NKAIN4: variants seen among roughly 807,000 people sequenced by gnomAD.
NKAIN4 encodes sodium/potassium-transporting ATPase subunit beta-1-interacting protein 4.
In NKAIN4, 28 loss-of-function variants were observed where a neutral mutation model predicts 28.8. The observed-to-expected ratio is 0.97, with a 90% CI of 0.72 to 1.33. The LOEUF is 1.33. Among genes scored for constraint, NKAIN4 ranks in the 40% most tolerant of loss-of-function variants. NKAIN4 has a pLI of 0.00. For missense variants in NKAIN4, 289 were observed against 277.2 expected, an observed-to-expected ratio of 1.04 and a Z score of -0.30; for synonymous variants, 122 against 115.6, an observed-to-expected ratio of 1.06 and a Z score of -0.36.
chr20:63,254,474 C>T, upstream of NKAIN4: 1 of 1,302,712 alleles, frequency 7.7e-7, no homozygotes, highest in East Asian at 3.2e-5. Flanking sequence ...ACAGGAGGCC[C>T]CCGGGTGCCC....
intron 6 of NKAIN4, chr20:63,241,760 TG>T: frequency 3.0e-6 from 2 of 666,932 alleles, no homozygotes; most frequent in Non-Finnish European, 5.6e-6. Context: ...GGGCTGGGAG[TG>T]GAGAGGGGGC....
rs374228628 is a variant in NKAIN4 at position 63,249,915 on chromosome 20, G to A, written c.192+20C>T. 2 of 1,601,604 alleles carry A rather than the reference G, an allele frequency of 1.2e-6. No individual in the cohort carries two copies. Among genetic ancestry groups the A allele is most frequent in the Admixed American group, 1.7e-5 (1 of 57,536 alleles). On this transcript the variant is annotated intron_variant, in intron 2 of 6. Coordinates refer to ENST00000370316, the MANE Select transcript of NKAIN4 (RefSeq NM_152864.4). ...ACCTCAACCCACCTGCCCATAAAGA[G>A]GGCCGGGCCCAGGACTCACCACCAT...
At chr20:63,253,692 C>T (rs2067000939) in intron 1 of NKAIN4, among the ~76,000 whole-genome samples, 1 of 152,148 alleles carries the variant, frequency 6.6e-6, no homozygotes, top group African/African-American at 2.4e-5. Context: ...CCAGGCGTCC[C>T]AGGGAGCTTC....
intron 1 of NKAIN4, chr20:63,253,609 C>T (rs895903670): frequency 2.6e-5 from 19 of 742,880 alleles, no homozygotes; most frequent in East Asian, 1.3e-4. Flanking sequence ...GCAGCTTCCC[C>T]AGCCTGGACA....
Position 63,249,933 on chromosome 20 carries a change from A to G in NKAIN4, c.192+2T>C. The G allele has an allele frequency of 6.2e-7, 1 of 1,612,118 alleles. No individual in the cohort carries two copies. Among genetic ancestry groups the G allele is most frequent in the Non-Finnish European group, 8.5e-7 (1 of 1,179,306 alleles). ...ATAAAGAGGGCCGGGCCCAGGACTC[A>G]CCACCATGACATAGCGCAGCCGGTA... On this transcript the variant is annotated splice_donor_variant, in intron 2 of 6. Coordinates refer to ENST00000370316, the MANE Select transcript of NKAIN4 (RefSeq NM_152864.4). LOFTEE classifies it high-confidence loss of function.
chr20:63,247,001 TC>T (rs757483909), intron 4 of NKAIN4: 92 of 999,062 alleles, frequency 9.2e-5, no homozygotes, highest in Non-Finnish European at 1.1e-4. Context: ...AGAGTCCCGT[TC>T]CCGCACAAGC....
At chr20:63,242,138 C>T (rs555195260) in intron 6 of NKAIN4, among the ~76,000 whole-genome samples, 1 of 152,196 alleles carries the variant, frequency 6.6e-6, no homozygotes. Flanking sequence ...TTTCAAGAAA[C>T]AAGTCTGGTT....
chr20:63,247,968 C>T (rs923134701), intron 3 of NKAIN4, among the ~76,000 whole-genome samples, 193 bp from the exon 4 acceptor site: 6 of 151,246 alleles, frequency 4.0e-5, no homozygotes, highest in Admixed American at 3.3e-4. Context: ...CCCTCCCAGC[C>T]GCTCCTGCGC....
chr20:63,248,436 G>A (rs1241729865), intron 3 of NKAIN4: 6 of 197,540 alleles, frequency 3.0e-5, no homozygotes, highest in South Asian at 2.9e-4. Flanking sequence ...CAGGAGGCAC[G>A]AGGCTTTACC....
chr20:63,254,588 C>T, upstream of NKAIN4: 5 of 590,974 alleles, frequency 8.5e-6, no homozygotes, highest in Non-Finnish European at 1.2e-5. Context: ...ACCCCCGGCC[C>T]AGCCCCAGCC....
intron 4 of NKAIN4, among the ~76,000 whole-genome samples, chr20:63,244,786 G>A (rs1270809807): frequency 6.6e-6 from 1 of 152,218 alleles, no homozygotes; most frequent in Non-Finnish European, 1.5e-5. Flanking sequence ...CAGTGCTGCC[G>A]CAGCCAGAAA....
At position 63,247,744 on chromosome 20, in the gene NKAIN4, C is replaced by A; in HGVS notation, c.305G>T (p.Arg102Leu). 1 of 1,480,746 alleles carries A rather than the reference C, an allele frequency of 6.8e-7. No individual in the cohort carries two copies. Among genetic ancestry groups the A allele is most frequent in the South Asian group, 1.4e-5 (1 of 71,872 alleles). 91.7% of individuals were successfully genotyped at this position (1,480,746 alleles called of 1,614,324 possible). A position where few individuals can be genotyped will look rare whatever the true frequency, so the allele number is the denominator to read the frequency against. Residue 102 changes from arginine (R) to leucine (L), a missense_variant, in exon 4 of 7, where the codon CGG (arginine) becomes CTG (leucine). Coordinates refer to ENST00000370316, the MANE Select transcript of NKAIN4 (RefSeq NM_152864.4). ...GCGCTCACGCCACCAGGAGCGATGC[C>A]GGGAGAGGCTGAAGGTCAGTAGCTC... ...DSELLTFSLSRHRSWWRERWP... is the reference protein window; with the variant it reads ...DSELLTFSLSLHRSWWRERWP...
chr20:63,241,933 G>C (rs2066759473), intron 6 of NKAIN4, among the ~76,000 whole-genome samples: 1 of 152,196 alleles, frequency 6.6e-6, no homozygotes, highest in Admixed American at 6.5e-5. Flanking sequence ...AGAGCCAGGG[G>C]CTACCCAGGG....
At chr20:63,247,990 C>CGAGAT in intron 3 of NKAIN4, 1 of 502,512 alleles carries the variant, frequency 2.0e-6, no homozygotes, top group South Asian at 6.2e-5. Context: ...TGCCCTCGAC[C>CGAGAT]CACACACCTC....
intron 4 of NKAIN4, chr20:63,246,805 CCT>C: frequency 1.0e-6 from 1 of 985,486 alleles, no homozygotes. Flanking sequence ...TCAGCTTTTG[CCT>C]CTTTCTGAGC....
At chr20:63,243,892 G>A (rs902709184) in intron 5 of NKAIN4, 132 bp downstream of exon 5, 1 of 716,524 alleles carries the variant, frequency 1.4e-6, no homozygotes, top group Non-Finnish European at 2.4e-6. Flanking sequence ...ACGGCCGTGA[G>A]CAAGGCCCTG....
Position 63,248,830 on chromosome 20 carries a change from G to A in NKAIN4, c.258C>T (p.Val86=), listed in dbSNP as rs35537426. Residue 86 remains valine (V), a synonymous_variant, in exon 3 of 7, where the codon GTC becomes GTT. Transcript: ENST00000370316. The part of the protein sequence containing the change: ...NVFIICFYLE[V]GGLLKDSELL... ...CTGCACTCACCTTTAAGAGGCCACC[G>A]ACTTCCAGGTAGAAGCAGATGATGA... 1,702 of 1,612,080 alleles carry A rather than the reference G, an allele frequency of 1.1e-3. 17 individuals are homozygous for A. The African/African-American group carries it at 0.02, about 19-fold the overall frequency.
upstream of NKAIN4, chr20:63,254,875 C>T (rs148703780): frequency 0.012 from 1,861 of 161,670 alleles, 44 homozygotes; most frequent in African/African-American, 0.041. Context: ...ATCAACCTTC[C>T]CCGTGTGGGG....
At chr20:63,254,708 C>T, upstream of NKAIN4, 1 of 307,712 alleles carries the variant, frequency 3.2e-6, no homozygotes, top group Non-Finnish European at 5.9e-6. Context: ...GGCGCGGCCT[C>T]TCGGGTAGCG....
Sources: gnomAD v4.1 joint callset for allele counts (sites outside exome capture counted in the v4.1 genomes callset) on GRCh38, gnomAD v4.1.1 for gene constraint, MANE v1.5 for transcripts, NCBI Gene and HGNC (gene_info 2026-07-23, HGNC 2026-07-21) for gene names.